The following SPAG17 variants were observed in gnomAD, a reference collection of about 807,000 sequenced individuals.
SPAG17 encodes sperm associated antigen 17, also known as sperm-associated antigen 17.
Under a neutral mutation model 273.6 loss-of-function variants are expected in SPAG17, and 169 were observed. The ratio of observed to expected loss-of-function variants is 0.62; its 90% CI spans 0.55 to 0.70. The LOEUF (loss-of-function observed/expected upper bound fraction) is 0.70. SPAG17 is among the 30% of genes least tolerant of loss of function. The probability of loss-of-function intolerance (pLI) is 0.00; values close to 1 mark genes in which losing one functional copy is unlikely to be tolerated. For missense variants in SPAG17, 2,557 were observed against 2,627.8 expected (o/e 0.97, Z 0.59); for synonymous variants, 825 against 873.2 (o/e 0.94, Z 0.97).
At chr1:118,147,467 C>CA (rs1462311211) in intron 3 of SPAG17, among the ~76,000 whole-genome samples, 2 of 151,774 alleles carry the variant, frequency 1.3e-5, no homozygotes, top group African/African-American at 4.8e-5. Context: ...AGAATATACA[C>CA]AAATAATAAT....
In SPAG17 at chr1:118,023,471, A is replaced by G. The variant is rs1328626902; in HGVS notation, c.3910-8T>C. Reference sequence around the variant, plus strand: ...ACCATCTGCAAAGAGAATCTGAAGAATGAACAAAAGTTTTCAGCATTCTCA... The same window carrying G: ...ACCATCTGCAAAGAGAATCTGAAGAGTGAACAAAAGTTTTCAGCATTCTCA... On this transcript the variant is annotated splice_polypyrimidine_tract_variant and splice_region_variant and intron_variant, in intron 27 of 48. Coordinates refer to ENST00000336338, the MANE Select transcript of SPAG17 (RefSeq NM_206996.4). The G allele has an allele frequency of 1.2e-6, 2 of 1,603,250 alleles. No individual in the cohort carries two copies. Among genetic ancestry groups the G allele is most frequent in the African/African-American group, 1.3e-5 (1 of 74,658 alleles).
At chr1:117,987,142 C>T (rs1656510066) in intron 40 of SPAG17, among the ~76,000 whole-genome samples, 1 of 152,166 alleles carries the variant, frequency 6.6e-6, no homozygotes, top group Non-Finnish European at 1.5e-5. Context: ...TTTGGGTCTT[C>T]ATTTCCTTAT....
At chr1:118,026,046 C>T (rs1054532426) in intron 26 of SPAG17, among the ~76,000 whole-genome samples, 4 of 152,124 alleles carry the variant, frequency 2.6e-5, no homozygotes, top group Admixed American at 2.6e-4. Context: ...CCACTGGTGC[C>T]TATCTCTCAT....
chr1:118,151,520 G>T, intron 1 of SPAG17, 151 bp from the exon 2 acceptor site: 1 of 776,532 alleles, frequency 1.3e-6, no homozygotes. Flanking sequence ...TCTGATTGAA[G>T]TAGCCGCAAG....
intron 19 of SPAG17, 39 bp from the exon 20 acceptor site, chr1:118,054,132 AATAAG>A (rs892461133): frequency 1.4e-6 from 2 of 1,387,978 alleles, no homozygotes; most frequent in African/African-American, 2.9e-5. Context: ...GTAACTCTTA[AATAAG>A]ATATCATAGA....
chr1:118,085,511 TGCGTGCGTGCATACGCGTGC>T (rs1654918620), intron 13 of SPAG17, among the ~76,000 whole-genome samples: 1 of 135,362 alleles, frequency 7.4e-6, no homozygotes, highest in Non-Finnish European at 1.6e-5. Flanking sequence ...TATGCGTGCA[TGCGTGCGTGCATACGCGTGC>T]GCGCGCGCAC....
intron 43 of SPAG17, among the ~76,000 whole-genome samples, chr1:117,980,783 TA>T (rs1445911010): frequency 6.6e-6 from 1 of 152,230 alleles, no homozygotes; most frequent in Admixed American, 6.5e-5. Context: ...TATCCTGTAT[TA>T]TTTTATATTT....
chr1:118,023,343 A>T lies in SPAG17; in HGVS notation c.4030T>A (p.Ser1344Thr). The part of the protein sequence containing the change: ...DLMDSISQQK[S>T]ETIPSEITNT... ...GTAATCTCAGATGGTATCGTTTCTG[A>T]TTTCTGCTGAGAAATAGAGTCCATC... Residue 1344 changes from serine to threonine, a missense_variant, in exon 28 of 49, where the codon TCA becomes ACA. Coordinates refer to ENST00000336338, the MANE Select transcript of SPAG17 (RefSeq NM_206996.4). 6.2e-7 allele frequency: 1 copy of T among 1,611,976 alleles called. No individual in the cohort carries two copies.
chr1:118,133,551 C>G (rs1327901347), intron 3 of SPAG17, among the ~76,000 whole-genome samples: 3 of 152,116 alleles, frequency 2.0e-5, no homozygotes, highest in African/African-American at 7.2e-5. Context: ...TACAAGGAGG[C>G]AAGAAGAGGT....
chr1:118,103,209 C>T (rs1370131926), intron 4 of SPAG17, among the ~76,000 whole-genome samples: 2 of 152,124 alleles, frequency 1.3e-5, no homozygotes, highest in South Asian at 2.1e-4. Flanking sequence ...GAAACCGCTC[C>T]ATGCCAGACA....
At chr1:117,991,373 G>T in intron 37 of SPAG17, 42 bp downstream of exon 37, 2 of 1,184,370 alleles carry the variant, frequency 1.7e-6, no homozygotes, top group Non-Finnish European at 1.2e-6. Flanking sequence ...ATTTAATATT[G>T]AAACAATAGT....
intron 1 of SPAG17, among the ~76,000 whole-genome samples, chr1:118,175,592 A>C (rs913766260): frequency 3.3e-5 from 5 of 151,504 alleles, no homozygotes; most frequent in African/African-American, 7.3e-5. Flanking sequence ...AAAAAAAAAA[A>C]CTGCCATCAA....
At chr1:117,973,938 T>C (rs905881434) in intron 43 of SPAG17, among the ~76,000 whole-genome samples, 2 of 152,198 alleles carry the variant, frequency 1.3e-5, no homozygotes, top group African/African-American at 4.8e-5. Flanking sequence ...TTTTCTGTCA[T>C]TAATCTTCTT....
At chr1:118,073,814 C>G in intron 17 of SPAG17, 40 bp downstream of exon 17, 1 of 1,393,352 alleles carries the variant, frequency 7.2e-7, no homozygotes, top group South Asian at 1.3e-5. Context: ...CTCTCCAGAC[C>G]TATCTGACCG....
chr1:118,036,648 G>A, intron 24 of SPAG17, 122 bp downstream of exon 24: 2 of 669,102 alleles, frequency 3.0e-6, no homozygotes. Flanking sequence ...CATCCTGCAG[G>A]AAAAACAATG....
intron 48 of SPAG17, chr1:117,960,798 T>C (rs1230010147): frequency 1.3e-5 from 2 of 152,264 alleles, no homozygotes; most frequent in African/African-American, 4.8e-5. Context: ...AATTGCACCA[T>C]GTATGATCTG....
At chr1:117,991,028 A>G (rs1218137943) in intron 37 of SPAG17, 122 bp from the exon 38 acceptor site, 3 of 504,586 alleles carry the variant, frequency 5.9e-6, no homozygotes, top group Admixed American at 3.4e-5. Flanking sequence ...GTTTAAAAAT[A>G]CTGATATAAA....
chr1:118,133,576 T>C (rs1658175228), intron 3 of SPAG17, among the ~76,000 whole-genome samples: 1 of 152,114 alleles, frequency 6.6e-6, no homozygotes, highest in Non-Finnish European at 1.5e-5. Context: ...AATTAGATGG[T>C]CTCATGCCAA....
chr1:118,046,030 T>C (rs12119212), intron 20 of SPAG17, among the ~76,000 whole-genome samples: 8,054 of 152,120 alleles, frequency 0.053, 442 homozygotes, highest in East Asian at 0.3. Context: ...TAAAACAACA[T>C]GGACTATATA....
Sources: allele counts gnomAD v4.1 joint callset (sites outside exome capture counted in the v4.1 genomes callset), GRCh38; gene constraint gnomAD v4.1.1; transcripts MANE v1.5; gene names NCBI Gene and HGNC (gene_info 2026-07-23, HGNC 2026-07-21).